HPF1: variants seen among roughly 807,000 people sequenced by gnomAD.
HPF1 encodes UPF0609 protein C4orf27.
HPF1 carries 35 observed loss-of-function variants against 38.8 expected under a neutral mutation model. The ratio of observed to expected loss-of-function variants is 0.90; its 90% CI spans 0.69 to 1.19. HPF1 has a LOEUF of 1.19. Ranked by LOEUF, HPF1 falls within the 50% of genes most tolerant of loss-of-function variation. The probability of loss-of-function intolerance (pLI) is 0.00; values close to 1 mark genes in which losing one functional copy is unlikely to be tolerated. For synonymous variants in HPF1, 115 were observed against 139.2 expected, an observed-to-expected ratio of 0.83 and a Z score of 1.22; for missense variants, 367 against 405.8, an observed-to-expected ratio of 0.90 and a Z score of 0.82.
rs767554109 is a variant in HPF1, at chr4:169,750,595, A to G, written c.339T>C (p.Pro113=). The change falls in exon 3 of 8, where the codon CCT becomes CCC. Residue 113 remains proline, a synonymous_variant. Coordinates refer to ENST00000393381, the MANE Select transcript of HPF1 (RefSeq NM_017867.3). ...CTCCAATAATAATGGTCTGGAACTC[A>G]GGAGGATCATAGTAAAACCTCCAGT... ...NLHWRFYYDP[P]EFQTIIIGDN... is the part of the protein sequence containing the mutation. The G allele has an allele frequency of 1.9e-6, 3 of 1,613,070 alleles. No homozygotes were observed. Among genetic ancestry groups the G allele is most frequent in the African/African-American group, 2.7e-5 (2 of 74,906 alleles).
chr4:169,750,506 T>C lies in HPF1; in HGVS notation c.398+30A>G, dbSNP rs754928592. 4.8e-5 allele frequency: 72 copies of C among 1,493,738 alleles called. 1 individual carries two copies. The East Asian group carries it at 1.6e-3, about 34-fold the overall frequency. The allele number at this position is 1,493,738 out of a possible 1,614,324, so 92.5% of individuals were successfully genotyped here. ...ATCCTCATTAGCAGGACAGCAGCTG[T>C]ATTTTAGAGGCGAAGAAAAGATCCT... On this transcript the variant is annotated intron_variant, in intron 3 of 7. Transcript: ENST00000393381.
chr4:169,737,289 C>CAAAAAAAAA, intron 6 of HPF1, among the ~76,000 whole-genome samples: 1 of 108,506 alleles, frequency 9.2e-6, no homozygotes, highest in Non-Finnish European at 1.8e-5. Context: ...CACTCCGTCT[C>CAAAAAAAAA]AAAAAAAAAA....
At chr4:169,736,870 T>G (rs760103795) in intron 6 of HPF1, among the ~76,000 whole-genome samples, 3 of 152,202 alleles carry the variant, frequency 2.0e-5, no homozygotes, top group Non-Finnish European at 2.9e-5. Context: ...TAATTCTCGA[T>G]GTTTAACGTA....
At chr4:169,734,594 G>A (rs1406799183) in intron 6 of HPF1, among the ~76,000 whole-genome samples, 1 of 152,110 alleles carries the variant, frequency 6.6e-6, no homozygotes, top group African/African-American at 2.4e-5. Flanking sequence ...TCATTTAACT[G>A]AAACCCAAAC....
chr4:169,756,271 C>T (rs1335958499), intron 1 of HPF1, among the ~76,000 whole-genome samples: 1 of 152,150 alleles, frequency 6.6e-6, no homozygotes, highest in Non-Finnish European at 1.5e-5. Flanking sequence ...ACGTCCCTAA[C>T]TAGGAAGTGG....
chr4:169,753,561 C>T lies in HPF1; in HGVS notation c.208+115G>A, dbSNP rs549207207. On this transcript the variant is annotated intron_variant, in intron 2 of 7. Transcript: ENST00000393381. ...ACCAGGTTGGTCTCAAACTCCTGGC[C>T]TCAGGCAATCCTCCTGCCTCAGCTG... 3 of 880,122 alleles carry T rather than the reference C, an allele frequency of 3.4e-6. No homozygotes were observed. The East Asian group carries it at 8.1e-5, about 24-fold the overall frequency. 54.5% of individuals were successfully genotyped at this position (880,122 alleles called of 1,614,324 possible). A position where few individuals can be genotyped will look rare whatever the true frequency, so the allele number is the denominator to read the frequency against.
At chr4:169,731,982 A>G in intron 6 of HPF1, 106 bp from the exon 7 acceptor site, 5 of 855,836 alleles carry the variant, frequency 5.8e-6, no homozygotes, top group Non-Finnish European at 9.1e-6. Flanking sequence ...AAGACTTTGT[A>G]CTAATACAAC....
At chr4:169,749,080 T>C (rs548800927) in intron 3 of HPF1, among the ~76,000 whole-genome samples, 8 of 151,798 alleles carry the variant, frequency 5.3e-5, no homozygotes, top group Middle Eastern at 3.4e-3. Flanking sequence ...AGCAACAACG[T>C]AGATGTAAAA....
chr4:169,737,833 C>T, intron 5 of HPF1, 86 bp from the exon 6 acceptor site: 1 of 834,510 alleles, frequency 1.2e-6, no homozygotes, highest in Non-Finnish European at 2.0e-6. Flanking sequence ...CTCAACATTT[C>T]TGCCAAAATG....
At chr4:169,737,634 C>A (rs536140727) in intron 6 of HPF1, 26 bp downstream of exon 6, 1 of 1,358,064 alleles carries the variant, frequency 7.4e-7, no homozygotes, top group Admixed American at 1.7e-5. Flanking sequence ...AACATATATG[C>A]ACATGTTTAC....
At chr4:169,733,926 G>A (rs1404278195) in intron 6 of HPF1, among the ~76,000 whole-genome samples, 5 of 151,440 alleles carry the variant, frequency 3.3e-5, no homozygotes, top group Non-Finnish European at 7.4e-5. Context: ...ACCAAGGATG[G>A]TATTAAAAAT....
chr4:169,732,223 C>T (rs888019934), intron 6 of HPF1, among the ~76,000 whole-genome samples: 5 of 149,882 alleles, frequency 3.3e-5, no homozygotes, highest in East Asian at 2.0e-4. Flanking sequence ...TCACTGCAAC[C>T]TCTGCCTCCC....
At chr4:169,742,582 G>A (rs1733984560) in intron 4 of HPF1, among the ~76,000 whole-genome samples, 1 of 152,294 alleles carries the variant, frequency 6.6e-6, no homozygotes, top group South Asian at 2.1e-4. Context: ...CATGAGGTCA[G>A]GAGATCAAGA....
chr4:169,732,137 ATTTT>A (rs70964219), intron 6 of HPF1: 1,712 of 155,542 alleles, frequency 0.011, no homozygotes, highest in South Asian at 0.029. Context: ...TACAGTCACG[ATTTT>A]TTTTTTTTTT....
intron 5 of HPF1, among the ~76,000 whole-genome samples, chr4:169,737,969 GCTTTT>G (rs1733920430): frequency 6.7e-6 from 1 of 148,262 alleles, no homozygotes; most frequent in South Asian, 2.1e-4. Context: ...GAAATAATTG[GCTTTT>G]CTTAATTGTG....
chr4:169,750,760 G>A lies in HPF1; in HGVS notation c.209-35C>T, dbSNP rs1393170700. The A allele has an allele frequency of 2.8e-6, 4 of 1,441,654 alleles. No individual in the cohort carries two copies. The Admixed American group carries it at 6.0e-5, about 22-fold the overall frequency. 89.3% of individuals were successfully genotyped at this position (1,441,654 alleles called of 1,614,324 possible). On this transcript the variant is annotated intron_variant, in intron 2 of 7. Coordinates refer to ENST00000393381, the MANE Select transcript of HPF1 (RefSeq NM_017867.3). ...AAATAAATTTAGACAATACTTTCTG[G>A]AGACAGGTAGGAAATAATGCTTTTA...
chr4:169,741,287 T>C (rs1733965852), intron 5 of HPF1, among the ~76,000 whole-genome samples: 1 of 152,142 alleles, frequency 6.6e-6, no homozygotes, highest in Non-Finnish European at 1.5e-5. Flanking sequence ...GGCAGACAAA[T>C]GGTGAGAGGC....
Position 169,753,639 on chromosome 4 carries a change from TTTCCATTAATACAAGAATGA to T in HPF1, c.208+17_208+36del. 1 of 1,573,552 alleles carries T rather than the reference TTTCCATTAATACAAGAATGA, an allele frequency of 6.4e-7. No homozygotes were observed. The highest frequency in any genetic ancestry group is 8.7e-7 in the Non-Finnish European group (1 of 1,149,206). The stretch of plus-strand genomic sequence containing the variant: ...CAGCTGGTTTCCTATTACATTACTC[TTTCCATTAATACAAGAATGA>T]TTCTGGAGCAACTCACCAGATGGCT... On this transcript the variant is annotated intron_variant, in intron 2 of 7. Coordinates refer to ENST00000393381, the MANE Select transcript of HPF1 (RefSeq NM_017867.3).
intron 4 of HPF1, 119 bp downstream of exon 4, chr4:169,748,625 G>A: frequency 1.9e-6 from 1 of 522,264 alleles, no homozygotes; most frequent in Non-Finnish European, 3.4e-6. Flanking sequence ...GCCCACCTCG[G>A]CCTCCCAAAG....
Sources: allele counts gnomAD v4.1 joint callset (sites outside exome capture counted in the v4.1 genomes callset), GRCh38; gene constraint gnomAD v4.1.1; transcripts MANE v1.5; gene names NCBI Gene and HGNC (gene_info 2026-07-23, HGNC 2026-07-21).